Variants in KCNH7 observed in about 807,000 individuals in gnomAD.
The protein encoded by KCNH7 is voltage-gated inwardly rectifying potassium channel KCNH7.
A neutral mutation model predicts 120.8 loss-of-function variants in KCNH7; 49 were observed. The observed-to-expected ratio is 0.41, with a 90% CI of 0.32 to 0.51. KCNH7 has a LOEUF of 0.51. Ranked by LOEUF, KCNH7 falls within the 20% of genes least tolerant of loss-of-function variation. The pLI is 0.38. For missense variants in KCNH7, 1,097 were observed against 1,446.6 expected (o/e 0.76, Z 3.92); for synonymous variants, 547 against 516.1 (o/e 1.06, Z -0.81).
At chr2:162,667,094 A>C (rs1258774295) in intron 2 of KCNH7, among the ~76,000 whole-genome samples, 1 of 142,802 alleles carries the variant, frequency 7.0e-6, no homozygotes, top group Admixed American at 7.5e-5. Flanking sequence ...ATCATGGCCC[A>C]CTGCAGCCTC....
intron 8 of KCNH7, 26 bp from the exon 9 acceptor site, chr2:162,423,561 TC>T: frequency 6.3e-7 from 1 of 1,599,350 alleles, no homozygotes; most frequent in Non-Finnish European, 8.5e-7. Flanking sequence ...AACAAAGTTA[TC>T]GGGGAAACTG....
chr2:162,724,203 T>G (rs1687432177), intron 2 of KCNH7, among the ~76,000 whole-genome samples: 3 of 152,162 alleles, frequency 2.0e-5, no homozygotes, highest in Admixed American at 6.5e-5. Flanking sequence ...ATGAATACAG[T>G]AGCCTCCAAT....
intron 9 of KCNH7, 175 bp downstream of exon 9, chr2:162,423,161 C>T (rs1029559873): frequency 3.7e-5 from 50 of 1,340,630 alleles, no homozygotes; most frequent in Non-Finnish European, 4.9e-5. Context: ...CTAGATATAG[C>T]ACCATGCAAT....
At chr2:162,611,527 G>A (rs529133457) in intron 2 of KCNH7, among the ~76,000 whole-genome samples, 8 of 152,200 alleles carry the variant, frequency 5.3e-5, no homozygotes, top group South Asian at 2.1e-4. Flanking sequence ...ACTACACAGA[G>A]TGAACATTAC....
chr2:162,756,493 A>C (rs1688793774), intron 2 of KCNH7, among the ~76,000 whole-genome samples: 1 of 152,028 alleles, frequency 6.6e-6, no homozygotes, highest in African/African-American at 2.4e-5. Flanking sequence ...TTGAGACAGA[A>C]TCTCATTCTG....
In KCNH7 at chr2:162,504,771, C is replaced by T. The variant is rs547335609; in HGVS notation, c.914-114G>A. ...CAATATGATCCTGATTTGAGTGTGA[C>T]TGAATGCAGCCAGCTTATACCTGGA... is the stretch of plus-strand genomic sequence containing the variant. On this transcript the variant is annotated intron_variant, in intron 5 of 15. Transcript: ENST00000332142. 67 of 683,172 alleles carry T rather than the reference C, an allele frequency of 9.8e-5. No homozygotes were observed. In the East Asian group the frequency reaches 1.5e-3, roughly 15 times the overall value. 42.3% of individuals were successfully genotyped at this position (683,172 alleles called of 1,614,324 possible).
intron 6 of KCNH7, among the ~76,000 whole-genome samples, chr2:162,479,815 C>T (rs1458445867): frequency 1.3e-5 from 2 of 151,882 alleles, no homozygotes; most frequent in Non-Finnish European, 2.9e-5. Context: ...GTGGAGAATC[C>T]CTCCTAATGC....
chr2:162,473,901 A>G (rs758665233), intron 6 of KCNH7, among the ~76,000 whole-genome samples: 2 of 152,214 alleles, frequency 1.3e-5, no homozygotes, highest in Non-Finnish European at 2.9e-5. Context: ...GTTTTTATGA[A>G]TAAATGAAAG....
At chr2:162,817,144 T>G (rs1467366227) in intron 2 of KCNH7, among the ~76,000 whole-genome samples, 1 of 152,122 alleles carries the variant, frequency 6.6e-6, no homozygotes, top group African/African-American at 2.4e-5. Context: ...ATGCATAGAC[T>G]CAAGTAATCA....
At chr2:162,491,678 G>C (rs1199407457) in intron 6 of KCNH7, among the ~76,000 whole-genome samples, 1 of 152,152 alleles carries the variant, frequency 6.6e-6, no homozygotes, top group African/African-American at 2.4e-5. Flanking sequence ...GTGGCACCCT[G>C]CCGAGGTTGC....
chr2:162,404,178 A>G (rs1446089325), intron 9 of KCNH7, among the ~76,000 whole-genome samples: 2 of 151,878 alleles, frequency 1.3e-5, no homozygotes, highest in Non-Finnish European at 2.9e-5. Context: ...GGTGATTGTT[A>G]TATCTATTTC....
intron 2 of KCNH7, among the ~76,000 whole-genome samples, chr2:162,592,642 C>T (rs953992481): frequency 6.6e-6 from 1 of 152,042 alleles, no homozygotes; most frequent in African/African-American, 2.4e-5. Context: ...CCTCCAGGGA[C>T]CCTCAGAGCC....
chr2:162,445,631 A>C (rs1009528120), intron 7 of KCNH7, among the ~76,000 whole-genome samples: 2 of 152,190 alleles, frequency 1.3e-5, no homozygotes, highest in Non-Finnish European at 2.9e-5. Context: ...AATTTGAACA[A>C]AAAACAAATC....
At chr2:162,734,704 T>C (rs1687840476) in intron 2 of KCNH7, among the ~76,000 whole-genome samples, 1 of 152,124 alleles carries the variant, frequency 6.6e-6, no homozygotes, top group Non-Finnish European at 1.5e-5. Flanking sequence ...GCATTTTTTT[T>C]TTTAATTTCA....
intron 2 of KCNH7, among the ~76,000 whole-genome samples, chr2:162,549,881 C>T (rs1450095615): frequency 6.6e-6 from 1 of 152,044 alleles, no homozygotes; most frequent in Non-Finnish European, 1.5e-5. Flanking sequence ...ACTAGGAAAA[C>T]ATAGTTAAGA....
Position 162,400,182 on chromosome 2 carries a change from C to T in KCNH7, c.2407+7G>A. ...AATCTGTCACCATGCACTTCTAAAA[C>T]ACTCACCCAGAATAGCCACCACAAT... On this transcript the variant is annotated splice_region_variant and intron_variant, in intron 10 of 15. Coordinates refer to ENST00000332142, the MANE Select transcript of KCNH7 (RefSeq NM_033272.4). The T allele has an allele frequency of 6.2e-7, 1 of 1,611,444 alleles. No individual in the cohort carries two copies. The highest frequency in any genetic ancestry group is 8.5e-7 in the Non-Finnish European group (1 of 1,178,336).
chr2:162,507,093 A>T (rs1690906688), intron 5 of KCNH7, among the ~76,000 whole-genome samples: 1 of 151,788 alleles, frequency 6.6e-6, no homozygotes, highest in Non-Finnish European at 1.5e-5. Flanking sequence ...TAGAGGTAAG[A>T]ATATATATTG....
At chr2:162,415,048 A>G (rs947578156) in intron 9 of KCNH7, among the ~76,000 whole-genome samples, 1 of 152,086 alleles carries the variant, frequency 6.6e-6, no homozygotes, top group Non-Finnish European at 1.5e-5. Context: ...ATATTTAACA[A>G]TGTATAGCTA....
At chr2:162,808,700 C>T (rs1433615733) in intron 2 of KCNH7, among the ~76,000 whole-genome samples, 1 of 151,882 alleles carries the variant, frequency 6.6e-6, no homozygotes, top group Non-Finnish European at 1.5e-5. Context: ...CATACACACA[C>T]ATGCATATGC....
Sources: gnomAD v4.1 joint callset for allele counts (sites outside exome capture counted in the v4.1 genomes callset) on GRCh38, gnomAD v4.1.1 for gene constraint, MANE v1.5 for transcripts, NCBI Gene and HGNC (gene_info 2026-07-23, HGNC 2026-07-21) for gene names.